Variants in AASDH observed in about 807,000 individuals in gnomAD.
AASDH encodes aminoadipate-semialdehyde dehydrogenase, also known as beta-alanine-activating enzyme.
In AASDH, 81 loss-of-function variants were observed where a neutral mutation model predicts 102.3. That is an observed-to-expected ratio of 0.79 (90% CI 0.66 to 0.95). The LOEUF (loss-of-function observed/expected upper bound fraction) is 0.95, where lower values mean the gene tolerates loss of function less well. Among genes scored for constraint, AASDH ranks in the 40% least tolerant of loss-of-function variants. The probability of loss-of-function intolerance (pLI) is 0.00; values close to 1 mark genes in which losing one functional copy is unlikely to be tolerated. For missense variants in AASDH, 1,203 were observed against 1,266.2 expected (o/e 0.95, Z 0.76); for synonymous variants, 398 against 454.0 (o/e 0.88, Z 1.57).
At chr4:56,382,204 G>T in intron 3 of AASDH, 1 of 319,120 alleles carries the variant, frequency 3.1e-6, no homozygotes, top group Non-Finnish European at 5.7e-6. Flanking sequence ...GCCCCTCTGG[G>T]GGACAATTGG....
intron 9 of AASDH, among the ~76,000 whole-genome samples, chr4:56,352,131 CAAT>C (rs958561316): frequency 6.6e-5 from 10 of 151,830 alleles, no homozygotes; most frequent in Non-Finnish European, 8.8e-5. Context: ...ACAAAACAAA[CAAT>C]AATAAAAATA....
In AASDH at chr4:56,355,302, A is replaced by C; in HGVS notation, c.983T>G (p.Leu328Arg). The C allele has an allele frequency of 1.2e-6, 2 of 1,614,150 alleles. No homozygotes were observed. The highest frequency in any genetic ancestry group is 1.7e-6 in the Non-Finnish European group (2 of 1,180,022). Reference protein sequence around the residue: ...GGEAFPSLTVLRSWRGEGNKT... With the variant: ...GGEAFPSLTVRRSWRGEGNKT... ...ATTGCCTTCTCCTCTCCAGCTTCTG[A>C]GAACTGTCAATGATGGAAACGCTTC... is the stretch of plus-strand genomic sequence containing the variant. Residue 328 changes from leucine (L) to arginine (R), a missense_variant, in exon 6 of 15, where the codon CTC becomes CGC. Physicochemically the swap from Leu to Arg is moderately radical, Grantham distance 102. Transcript: ENST00000205214.
At chr4:56,346,226 C>T (rs984917652) in intron 11 of AASDH, among the ~76,000 whole-genome samples, 12 of 152,332 alleles carry the variant, frequency 7.9e-5, no homozygotes, top group African/African-American at 2.9e-4. Flanking sequence ...ACTCTCTAGA[C>T]AGCTCTGCCT....
chr4:56,342,970 T>A lies in AASDH; in HGVS notation c.2776-4A>T. On this transcript the variant is annotated splice_region_variant and splice_polypyrimidine_tract_variant and intron_variant, in intron 13 of 14. Coordinates refer to ENST00000205214, the MANE Select transcript of AASDH (RefSeq NM_181806.4). ...TCCAAATAACGTTCCCAGTAGCCTGTCACAGGAAAAAGCAATTCACAGCAT... is the reference window on the plus strand; with the variant it reads ...TCCAAATAACGTTCCCAGTAGCCTGACACAGGAAAAAGCAATTCACAGCAT... 3 of 1,569,854 alleles carry A rather than the reference T, an allele frequency of 1.9e-6. No homozygotes were observed. Among genetic ancestry groups the A allele is most frequent in the Non-Finnish European group, 2.6e-6 (3 of 1,159,884 alleles).
At chr4:56,353,058 C>T (rs1749187290) in intron 9 of AASDH, among the ~76,000 whole-genome samples, 1 of 150,760 alleles carries the variant, frequency 6.6e-6, no homozygotes, top group African/African-American at 2.4e-5. Flanking sequence ...TGGTTATTTA[C>T]AGGCACAAAC....
chr4:56,384,960 G>A (rs549723353), intron 1 of AASDH, among the ~76,000 whole-genome samples: 1 of 152,172 alleles, frequency 6.6e-6, no homozygotes, highest in Non-Finnish European at 1.5e-5. Context: ...TGTAATCCCA[G>A]CTACTCTGGA....
intron 5 of AASDH, among the ~76,000 whole-genome samples, chr4:56,366,624 T>C (rs1457462189): frequency 2.0e-5 from 3 of 151,870 alleles, no homozygotes; most frequent in Non-Finnish European, 4.4e-5. Flanking sequence ...AAAAACCACA[T>C]GATTATCTCA....
At chr4:56,375,948 C>T (rs1339693378) in intron 4 of AASDH, among the ~76,000 whole-genome samples, 1 of 151,812 alleles carries the variant, frequency 6.6e-6, no homozygotes, top group Non-Finnish European at 1.5e-5. Context: ...TGTTAATACT[C>T]CTACTACTAA....
intron 12 of AASDH, among the ~76,000 whole-genome samples, 166 bp from the exon 13 acceptor site, chr4:56,343,850 A>T (rs1748004983): frequency 6.6e-6 from 1 of 152,142 alleles, no homozygotes; most frequent in Non-Finnish European, 1.5e-5. Context: ...AAAGGACACT[A>T]CCCAGAGACA....
chr4:56,350,024 A>T lies in AASDH; in HGVS notation c.1727T>A (p.Val576Asp). The T allele has an allele frequency of 6.2e-7, 1 of 1,602,638 alleles. No individual in the cohort carries two copies. Among genetic ancestry groups the T allele is most frequent in the South Asian group, 1.1e-5 (1 of 89,764 alleles). The change falls in exon 11 of 15, where the codon GTT becomes GAT. Residue 576 changes from valine (V) to aspartate (D), a missense_variant. Transcript: ENST00000205214. The part of the protein sequence containing the change: ...TLNLPEDLLR[V>D]PDESLFLNSG... ...ATTTAAGAAGAGTGACTCATCAGGA[A>T]CCCTCAAAAGATCTTCTGGGAGATT...
Position 56,353,472 on chromosome 4 carries a change from T to C in AASDH, c.1508A>G (p.Lys503Arg), listed in dbSNP as rs1422086648. The C allele has an allele frequency of 6.2e-7, 1 of 1,613,874 alleles. No individual in the cohort carries two copies. Among genetic ancestry groups the C allele is most frequent in the Non-Finnish European group, 8.5e-7 (1 of 1,179,970 alleles). ...CGGGACTGCATGACTTGGAAGATAT[T>C]TCTGCAGTTCTTTAAAGATGTATTC... ...VKEYIFKELQKYLPSHAVPDE... is the reference protein window; with the variant it reads ...VKEYIFKELQRYLPSHAVPDE... The change falls in exon 9 of 15, where the codon AAA becomes AGA. Residue 503 changes from lysine to arginine, a missense_variant. By Grantham distance (26) the Lys-to-Arg change is conservative (BLOSUM62 2). Coordinates refer to ENST00000205214, the MANE Select transcript of AASDH (RefSeq NM_181806.4).
chr4:56,370,993 A>G (rs1339644133), intron 5 of AASDH, among the ~76,000 whole-genome samples: 1 of 152,248 alleles, frequency 6.6e-6, no homozygotes, highest in Admixed American at 6.5e-5. Context: ...ACACATTTAA[A>G]TAACATTTTA....
chr4:56,380,532 A>G (rs1752835954), intron 3 of AASDH, among the ~76,000 whole-genome samples: 1 of 152,186 alleles, frequency 6.6e-6, no homozygotes, highest in Non-Finnish European at 1.5e-5. Flanking sequence ...CTTCAGATCT[A>G]GCTCAAAACC....
intron 5 of AASDH, among the ~76,000 whole-genome samples, chr4:56,360,868 GT>G (rs1750206264): frequency 2.0e-5 from 3 of 152,148 alleles, no homozygotes; most frequent in African/African-American, 7.2e-5. Flanking sequence ...TTATGTCCCA[GT>G]TAAGATTCTG....
chr4:56,363,152 G>A (rs1211899046), intron 5 of AASDH, among the ~76,000 whole-genome samples: 2 of 152,208 alleles, frequency 1.3e-5, no homozygotes, highest in Non-Finnish European at 2.9e-5. Flanking sequence ...AGATCAAACC[G>A]CAAGGCGGCA....
At chr4:56,373,526 G>A (rs1751983749) in intron 4 of AASDH, among the ~76,000 whole-genome samples, 1 of 152,122 alleles carries the variant, frequency 6.6e-6, no homozygotes, top group South Asian at 2.1e-4. Context: ...AGAGAAAGAA[G>A]GGCAGGAAAA....
rs1414555948 is a variant in AASDH, at chr4:56,355,213, T to C, written c.1072A>G (p.Ile358Val). The change falls in exon 6 of 15, where the codon ATT becomes GTT. Residue 358 changes from isoleucine to valine, a missense_variant. Physicochemically the swap from Ile to Val is conservative, Grantham distance 29 (BLOSUM62 3). Transcript: ENST00000205214. The part of the protein sequence containing the change: ...EVSSWATIYR[I>V]PEKTLNSTLK... ...GTAGAGTTAAGAGTCTTCTCTGGAA[T>C]CCTATAAATGGTCGCCCAACTTGAT... 6.2e-7 allele frequency: 1 copy of C among 1,613,924 alleles called. No individual in the cohort carries two copies.
intron 3 of AASDH, among the ~76,000 whole-genome samples, chr4:56,378,976 C>A (rs962143007): frequency 6.6e-6 from 1 of 152,076 alleles, no homozygotes; most frequent in African/African-American, 2.4e-5. Flanking sequence ...TTCCGCCTCC[C>A]AGGTTCACAC....
At chr4:56,362,775 T>C (rs998963444) in intron 5 of AASDH, among the ~76,000 whole-genome samples, 5 of 152,108 alleles carry the variant, frequency 3.3e-5, no homozygotes, top group African/African-American at 4.8e-5. Flanking sequence ...GATGGCCGAA[T>C]AGGAGCAGCT....
Sources: gnomAD v4.1 joint callset for allele counts (sites outside exome capture counted in the v4.1 genomes callset) on GRCh38, gnomAD v4.1.1 for gene constraint, MANE v1.5 for transcripts, NCBI Gene and HGNC (gene_info 2026-07-23, HGNC 2026-07-21) for gene names.